The following UGT1A9 variants were observed in gnomAD, a reference collection of about 807,000 sequenced individuals.
UGT1A9 encodes UDP glucuronosyltransferase family 1 member A9.
UGT1A9 carries 35 observed loss-of-function variants against 45.0 expected under a neutral mutation model. The ratio of observed to expected loss-of-function variants is 0.78; its 90% confidence interval spans 0.59 to 1.03. UGT1A9 has a LOEUF of 1.03. UGT1A9 is among the 50% of genes least tolerant of loss of function. The pLI, the probability that UGT1A9 is intolerant of heterozygous loss-of-function variation, is 0.00. For synonymous variants in UGT1A9, 278 were observed against 250.6 expected, an observed-to-expected ratio of 1.11 and a Z score of -1.03; for missense variants, 687 against 666.6, an observed-to-expected ratio of 1.03 and a Z score of -0.34.
intron 1 of UGT1A9, among the ~76,000 whole-genome samples, chr2:233,687,383 A>G (rs2074837301): frequency 6.6e-6 from 1 of 152,114 alleles, no homozygotes; most frequent in African/African-American, 2.4e-5. Context: ...GAATTTGCAA[A>G]TTAAATATAA....
chr2:233,730,068 G>T (rs1197768852), intron 1 of UGT1A9: 3 of 1,610,044 alleles, frequency 1.9e-6, no homozygotes, highest in African/African-American at 1.3e-5. Flanking sequence ...ATTTAAAATT[G>T]CTTCCATATT....
intron 1 of UGT1A9, among the ~76,000 whole-genome samples, chr2:233,696,717 C>G (rs1315267441): frequency 2.0e-5 from 3 of 152,058 alleles, no homozygotes; most frequent in Non-Finnish European, 4.4e-5. Context: ...TTTAGAGGAA[C>G]AGTTTTCAGT....
At chr2:233,688,283 T>A (rs2074886273) in intron 1 of UGT1A9, among the ~76,000 whole-genome samples, 1 of 152,264 alleles carries the variant, frequency 6.6e-6, no homozygotes, top group Non-Finnish European at 1.5e-5. Context: ...TTGTATGGAT[T>A]TACCGCATTT....
chr2:233,682,287 T>G (rs2074570002), intron 1 of UGT1A9: 21 of 1,614,096 alleles, frequency 1.3e-5, no homozygotes, highest in Non-Finnish European at 1.7e-5. Context: ...AATGGTATTT[T>G]TGACTTATTT....
intron 1 of UGT1A9, chr2:233,760,364 A>G (rs1697418455): frequency 1.9e-6 from 3 of 1,614,036 alleles, no homozygotes; most frequent in Non-Finnish European, 2.5e-6. Flanking sequence ...GTGGTGTCCC[A>G]TGCTGGGAAG....
chr2:233,760,198 T>A (rs907119126), intron 1 of UGT1A9: 1 of 1,579,636 alleles, frequency 6.3e-7, no homozygotes, highest in South Asian at 1.1e-5. Context: ...CGTGACACAG[T>A]CAAACATTAA....
At chr2:233,688,394 G>A (rs1649159658) in intron 1 of UGT1A9, among the ~76,000 whole-genome samples, 1 of 152,186 alleles carries the variant, frequency 6.6e-6, no homozygotes, top group African/African-American at 2.4e-5. Context: ...AAACCCTGAT[G>A]TTCTAATTTT....
intron 1 of UGT1A9, among the ~76,000 whole-genome samples, chr2:233,757,766 G>A (rs1169168407): frequency 6.6e-6 from 1 of 151,746 alleles, no homozygotes; most frequent in Admixed American, 6.6e-5. Context: ...TGCTCCTTTA[G>A]TAATAAGCCT....
At chr2:233,677,732 A>T (rs1575422243) in intron 1 of UGT1A9, among the ~76,000 whole-genome samples, 1 of 152,294 alleles carries the variant, frequency 6.6e-6, no homozygotes, top group Middle Eastern at 3.4e-3. Flanking sequence ...CTTGGTGGGA[A>T]TGCAAATTAG....
At chr2:233,747,483 C>G (rs993277218) in intron 1 of UGT1A9, 3 of 1,608,496 alleles carry the variant, frequency 1.9e-6, no homozygotes, top group Non-Finnish European at 1.7e-6. Flanking sequence ...TGAATTTGAT[C>G]GCCTTGTGCT....
intron 1 of UGT1A9, among the ~76,000 whole-genome samples, chr2:233,701,595 T>G (rs557027411): frequency 7.9e-5 from 12 of 152,118 alleles, no homozygotes; most frequent in Non-Finnish European, 2.9e-5. Flanking sequence ...TAGTTGGAAG[T>G]AAAGCACTCC....
chr2:233,747,408 A>C, intron 1 of UGT1A9: 1 of 1,607,228 alleles, frequency 6.2e-7, no homozygotes. Flanking sequence ...CCCAGAGGTG[A>C]ATATGCACAT....
intron 1 of UGT1A9, chr2:233,741,740 C>T (rs1158976781): frequency 6.6e-6 from 1 of 151,864 alleles, no homozygotes; most frequent in Non-Finnish European, 1.5e-5. Flanking sequence ...CCATATCACA[C>T]TCTTTGTTGG....
intron 1 of UGT1A9, among the ~76,000 whole-genome samples, chr2:233,678,124 T>C (rs1203736814): frequency 6.6e-6 from 1 of 152,084 alleles, no homozygotes; most frequent in African/African-American, 2.4e-5. Context: ...AGTGGGTACT[T>C]TTGGGCATAA....
At chr2:233,753,985 C>G (rs1431608078) in intron 1 of UGT1A9, among the ~76,000 whole-genome samples, 1 of 152,164 alleles carries the variant, frequency 6.6e-6, no homozygotes, top group Non-Finnish European at 1.5e-5. Context: ...TGTTTTAAGC[C>G]ACCAAGTTTG....
intron 1 of UGT1A9, among the ~76,000 whole-genome samples, chr2:233,680,406 A>G (rs2074485774): frequency 6.6e-6 from 1 of 152,212 alleles, no homozygotes; most frequent in Non-Finnish European, 1.5e-5. Flanking sequence ...AGGTAGCAAC[A>G]AAATTATTAT....
intron 1 of UGT1A9, among the ~76,000 whole-genome samples, chr2:233,711,377 C>G (rs1440566263): frequency 6.6e-6 from 1 of 152,222 alleles, no homozygotes; most frequent in Non-Finnish European, 1.5e-5. Flanking sequence ...GTGAGAGCAC[C>G]CTCCCAGGTG....
chr2:233,770,514 C>T (rs191930447), intron 4 of UGT1A9: 1 of 152,136 alleles, frequency 6.6e-6, no homozygotes, highest in Non-Finnish European at 1.5e-5. Flanking sequence ...AAAAATTACC[C>T]AGGCATGGTG....
At position 233,755,083 on chromosome 2, in the gene UGT1A9, C is replaced by T. The variant is rs755765570; in HGVS notation, c.856-11951C>T. ...GCCTCGCCATAGCGGTCATAGATAT[C>T]GCGTTTCTACGCGTCCGACAACACC... On this transcript the variant is annotated intron_variant, in intron 1 of 4. Transcript: ENST00000354728. The T allele has an allele frequency of 3.0e-6, 4 of 1,335,262 alleles. No individual in the cohort carries two copies. In the South Asian group the frequency reaches 3.4e-5, roughly 11 times the overall value. 82.7% of individuals were successfully genotyped at this position (1,335,262 alleles called of 1,614,324 possible). A position where few individuals can be genotyped will look rare whatever the true frequency, so the allele number is the denominator to read the frequency against.
Sources: allele counts gnomAD v4.1 joint callset (sites outside exome capture counted in the v4.1 genomes callset), GRCh38; gene constraint gnomAD v4.1.1; transcripts MANE v1.5; gene names NCBI Gene and HGNC (gene_info 2026-07-23, HGNC 2026-07-21).